The following FAM117A variants were observed in gnomAD, a reference collection of about 807,000 sequenced individuals.
FAM117A encodes protein FAM117A.
In FAM117A, 21 loss-of-function variants were observed where a neutral mutation model predicts 44.1. That is an observed-to-expected ratio of 0.48 (90% CI 0.34 to 0.69). FAM117A has a LOEUF of 0.69. FAM117A is among the 30% of genes least tolerant of loss of function. FAM117A has a pLI of 0.01. For missense variants in FAM117A, 498 were observed against 589.9 expected, an observed-to-expected ratio of 0.84 and a Z score of 1.61; for synonymous variants, 220 against 238.3, an observed-to-expected ratio of 0.92 and a Z score of 0.71.
chr17:49,767,144 C>T (rs1057126521), upstream of FAM117A, among the ~76,000 whole-genome samples: 1 of 152,190 alleles, frequency 6.6e-6, no homozygotes, highest in Non-Finnish European at 1.5e-5. Flanking sequence ...CTCTTATTCT[C>T]TTCTCTATCA....
chr17:49,732,507 G>A (rs777373370), intron 2 of FAM117A, 44 bp downstream of exon 2: 12 of 1,598,338 alleles, frequency 7.5e-6, no homozygotes, highest in South Asian at 3.3e-5. Context: ...CAGCTCTCCC[G>A]CCCCATCCTT....
At chr17:49,725,178 G>A (rs1414390011) in intron 2 of FAM117A, among the ~76,000 whole-genome samples, 2 of 152,160 alleles carry the variant, frequency 1.3e-5, no homozygotes, top group Non-Finnish European at 2.9e-5. Context: ...CGGCCTGCCC[G>A]GCCAACTATT....
chr17:49,731,275 C>T (rs966272788), intron 2 of FAM117A, among the ~76,000 whole-genome samples: 3 of 152,202 alleles, frequency 2.0e-5, no homozygotes, highest in Non-Finnish European at 4.4e-5. Context: ...AGGGCTGACT[C>T]GGACCCTCAT....
At chr17:49,770,085 C>T (rs1598037136) in intron 1 of FAM117A, among the ~76,000 whole-genome samples, 1 of 152,126 alleles carries the variant, frequency 6.6e-6, no homozygotes, top group East Asian at 1.9e-4. Flanking sequence ...GCCTGGCCAA[C>T]ATGGTAAAAC....
rs923688366 is a variant in FAM117A, at chr17:49,750,382, C to T, written c.196+13510G>A. 7.4e-5 allele frequency among the ~76,000 whole-genome samples: 11 copies of T among 148,800 alleles called. 1 individual carries two copies. Among genetic ancestry groups the T allele is most frequent in the African/African-American group, 1.7e-4 (7 of 41,148 alleles). On this transcript the variant is annotated intron_variant, in intron 1 of 7. Transcript: ENST00000240364. ...GGGGAGGATCAAGATGAAGAGAAAG[C>T]GAAGGAGGCATGCTATTTGGTGATG...
intron 1 of FAM117A, among the ~76,000 whole-genome samples, chr17:49,780,477 C>T (rs1476371021): frequency 6.6e-6 from 1 of 152,028 alleles, no homozygotes; most frequent in East Asian, 1.9e-4. Flanking sequence ...GCCTCCTGGG[C>T]TCAAGCAATC....
At chr17:49,714,769 C>A (rs1020849287) in intron 7 of FAM117A, among the ~76,000 whole-genome samples, 1 of 151,934 alleles carries the variant, frequency 6.6e-6, no homozygotes, top group African/African-American at 2.4e-5. Flanking sequence ...GCCTCAGCCT[C>A]CTGAGTAGCT....
chr17:49,785,570 C>T (rs1211731242), intron 1 of FAM117A, among the ~76,000 whole-genome samples: 1 of 152,070 alleles, frequency 6.6e-6, no homozygotes, highest in Non-Finnish European at 1.5e-5. Context: ...TAGGAAGCAG[C>T]AGAGCGGAGA....
chr17:49,762,586 C>T (rs374491874), intron 1 of FAM117A, among the ~76,000 whole-genome samples: 3 of 152,192 alleles, frequency 2.0e-5, no homozygotes, highest in East Asian at 3.8e-4. Flanking sequence ...GCTACTACTT[C>T]TGTAATAGCC....
chr17:49,781,893 T>C (rs756254538), intron 1 of FAM117A, among the ~76,000 whole-genome samples: 1 of 152,032 alleles, frequency 6.6e-6, no homozygotes, highest in Non-Finnish European at 1.5e-5. Context: ...GGAGGATCGC[T>C]TGAAACCAGG....
chr17:49,772,694 G>A (rs567158409), intron 1 of FAM117A, among the ~76,000 whole-genome samples: 2 of 152,102 alleles, frequency 1.3e-5, no homozygotes, highest in East Asian at 3.9e-4. Flanking sequence ...AGAGGCTGCA[G>A]TGAGCCGAGA....
intron 2 of FAM117A, among the ~76,000 whole-genome samples, chr17:49,731,604 A>G (rs1007762539): frequency 2.0e-5 from 3 of 152,140 alleles, no homozygotes; most frequent in African/African-American, 4.8e-5. Flanking sequence ...GAATGGGTAC[A>G]CTGAAATCCC....
upstream of FAM117A, among the ~76,000 whole-genome samples, chr17:49,764,378 G>A (rs1314471328): frequency 1.3e-5 from 2 of 152,184 alleles, no homozygotes; most frequent in Admixed American, 1.3e-4. Context: ...GTACAGAAGA[G>A]GGCTGGTTCT....
At chr17:49,764,545 G>A (rs1248128441), upstream of FAM117A, among the ~76,000 whole-genome samples, 3 of 152,144 alleles carry the variant, frequency 2.0e-5, no homozygotes, top group African/African-American at 7.2e-5. Flanking sequence ...AATTTTTGGG[G>A]GCGGGAGTAG....
intron 1 of FAM117A, among the ~76,000 whole-genome samples, chr17:49,750,542 A>C (rs1481201722): frequency 3.9e-5 from 6 of 152,112 alleles, no homozygotes; most frequent in Non-Finnish European, 5.9e-5. Context: ...TGGGAGGCCA[A>C]GGCAGGCAGA....
intron 1 of FAM117A, among the ~76,000 whole-genome samples, chr17:49,779,493 G>A (rs1280313529): frequency 6.6e-6 from 1 of 152,200 alleles, no homozygotes; most frequent in African/African-American, 2.4e-5. Context: ...GGTGGAGGGT[G>A]GGTGGAGTGC....
chr17:49,771,887 A>G (rs1447866835), intron 1 of FAM117A, among the ~76,000 whole-genome samples: 1 of 152,140 alleles, frequency 6.6e-6, no homozygotes. Context: ...TCAAAACTAC[A>G]ATTGTCCCTG....
At position 49,763,904 on chromosome 17, in the gene FAM117A, C is replaced by T; in HGVS notation, c.184G>A (p.Gly62Ser). 1 of 1,236,510 alleles carries T rather than the reference C, an allele frequency of 8.1e-7. No individual in the cohort carries two copies. Among genetic ancestry groups the T allele is most frequent in the African/African-American group, 1.6e-5 (1 of 64,234 alleles). 76.6% of individuals were successfully genotyped at this position (1,236,510 alleles called of 1,614,324 possible). A position where few individuals can be genotyped will look rare whatever the true frequency, so the allele number is the denominator to read the frequency against. ...LQQPHQRRDG[G>S]GRAASVPCSV... ...AGGCCCGGCTCACCTGCACGGCCAC[C>T]CCCGTCCCGGCGCTGGTGCGGCTGC... The change falls in exon 1 of 8, where the codon GGT (glycine) becomes AGT (serine). Residue 62 changes from glycine (G) to serine (S), a missense_variant. This residue lies in a region of FAM117A where 270 missense variants were observed against 277.4 expected (regional missense o/e 0.97). Transcript: ENST00000240364.
chr17:49,764,849 A>T (rs547983827), upstream of FAM117A, among the ~76,000 whole-genome samples: 9 of 152,302 alleles, frequency 5.9e-5, no homozygotes, highest in African/African-American at 2.2e-4. Context: ...TCCAACCTTA[A>T]AAAAACAATT....
Sources: allele counts gnomAD v4.1 joint callset (sites outside exome capture counted in the v4.1 genomes callset), GRCh38; gene constraint gnomAD v4.1.1; regional missense constraint gnomAD v4.1.1; transcripts MANE v1.5; gene names NCBI Gene and HGNC (gene_info 2026-07-23, HGNC 2026-07-21).